SPOCK1: variants seen among roughly 807,000 people sequenced by gnomAD.
The protein encoded by SPOCK1 is testican-1.
A neutral mutation model predicts 55.3 loss-of-function variants in SPOCK1; 23 were observed. The ratio of observed to expected loss-of-function variants is 0.42; its 90% CI spans 0.30 to 0.59. The LOEUF (loss-of-function observed/expected upper bound fraction) is 0.59, where lower values mean the gene tolerates loss of function less well. SPOCK1 is among the 20% of genes least tolerant of loss of function. The pLI, the probability that SPOCK1 is intolerant of heterozygous loss-of-function variation, is 0.22. For synonymous variants in SPOCK1, 226 were observed against 221.0 expected (o/e 1.02, Z -0.20); for missense variants, 499 against 552.5 (o/e 0.90, Z 0.97).
intron 3 of SPOCK1, among the ~76,000 whole-genome samples, chr5:137,221,930 C>T (rs1015517919): frequency 2.0e-5 from 3 of 152,216 alleles, no homozygotes; most frequent in Non-Finnish European, 4.4e-5. Context: ...AGGGCTCAGG[C>T]ACTGGGTTTG....
At chr5:137,418,483 T>C (rs1381980665) in intron 2 of SPOCK1, among the ~76,000 whole-genome samples, 1 of 152,038 alleles carries the variant, frequency 6.6e-6, no homozygotes, top group Non-Finnish European at 1.5e-5. Flanking sequence ...CCTGACTTTT[T>C]AATGATCGCC....
chr5:137,407,953 C>T (rs985895767), intron 2 of SPOCK1, among the ~76,000 whole-genome samples: 1 of 152,062 alleles, frequency 6.6e-6, no homozygotes. Flanking sequence ...CCGCCCCCAC[C>T]CCCACTGCTC....
chr5:137,120,467 G>T (rs910303593), intron 4 of SPOCK1, among the ~76,000 whole-genome samples: 1 of 152,194 alleles, frequency 6.6e-6, no homozygotes, highest in Admixed American at 6.5e-5. Flanking sequence ...GGGACTCCAC[G>T]ATGTACCTCT....
At chr5:136,995,778 A>C (rs576730511) in intron 6 of SPOCK1, among the ~76,000 whole-genome samples, 2 of 152,296 alleles carry the variant, frequency 1.3e-5, no homozygotes, top group Non-Finnish European at 2.9e-5. Flanking sequence ...AAAGTACACA[A>C]GTCTTGGATG....
At chr5:137,465,367 C>T (rs540192732) in intron 2 of SPOCK1, among the ~76,000 whole-genome samples, 16 of 152,180 alleles carry the variant, frequency 1.1e-4, no homozygotes, top group African/African-American at 3.6e-4. Context: ...ACACCATGGG[C>T]AAAGCAAAGC....
intron 3 of SPOCK1, among the ~76,000 whole-genome samples, chr5:137,195,546 T>C (rs1308491200): frequency 6.6e-6 from 1 of 152,168 alleles, no homozygotes; most frequent in Non-Finnish European, 1.5e-5. Flanking sequence ...GCTGGGGCAG[T>C]GGATGAAGGA....
intron 8 of SPOCK1, among the ~76,000 whole-genome samples, chr5:136,987,549 CT>C (rs1750867929): frequency 6.6e-6 from 1 of 152,132 alleles, no homozygotes; most frequent in African/African-American, 2.4e-5. Flanking sequence ...AGGCACATGC[CT>C]TTTGACTAGT....
At chr5:137,440,956 C>T (rs1752989787) in intron 2 of SPOCK1, among the ~76,000 whole-genome samples, 1 of 152,208 alleles carries the variant, frequency 6.6e-6, no homozygotes, top group Admixed American at 6.5e-5. Flanking sequence ...CAGGAGGCTT[C>T]ACTTATTACA....
intron 2 of SPOCK1, among the ~76,000 whole-genome samples, chr5:137,350,564 T>A (rs1363994630): frequency 1.3e-5 from 2 of 152,026 alleles, no homozygotes; most frequent in East Asian, 3.9e-4. Flanking sequence ...AGGGGAAATG[T>A]CTAGAAGGCT....
chr5:137,114,618 A>T (rs1313055328), intron 4 of SPOCK1, among the ~76,000 whole-genome samples: 1 of 152,192 alleles, frequency 6.6e-6, no homozygotes, highest in Non-Finnish European at 1.5e-5. Context: ...ATACTGATAA[A>T]GGGATGGTGG....
At chr5:137,496,180 C>T (rs905886433) in intron 2 of SPOCK1, among the ~76,000 whole-genome samples, 1 of 152,220 alleles carries the variant, frequency 6.6e-6, no homozygotes, top group Middle Eastern at 3.4e-3. Context: ...CCTGCACTCA[C>T]CCCAGAAATG....
intron 3 of SPOCK1, among the ~76,000 whole-genome samples, chr5:137,256,210 T>C (rs991160923): frequency 3.3e-5 from 5 of 152,126 alleles, no homozygotes; most frequent in African/African-American, 1.2e-4. Context: ...TGGGCTGTGT[T>C]TCCCTCTTTT....
intron 4 of SPOCK1, among the ~76,000 whole-genome samples, chr5:137,116,244 T>G (rs774890875): frequency 2.6e-5 from 4 of 152,196 alleles, no homozygotes; most frequent in Non-Finnish European, 5.9e-5. Flanking sequence ...AACTGTATAT[T>G]CTCCATCTTT....
intron 2 of SPOCK1, among the ~76,000 whole-genome samples, chr5:137,473,935 T>G (rs187914650): frequency 1.1e-3 from 169 of 152,322 alleles, no homozygotes; most frequent in African/African-American, 3.6e-3. Context: ...TTAACAGCAC[T>G]TGCAGTGACC....
intron 5 of SPOCK1, among the ~76,000 whole-genome samples, chr5:137,093,858 C>T (rs1561606656): frequency 6.6e-6 from 1 of 152,094 alleles, no homozygotes; most frequent in Non-Finnish European, 1.5e-5. Flanking sequence ...TCATAGAGAA[C>T]CTGGGGGAGC....
At chr5:137,278,730 A>T (rs1443129044) in intron 2 of SPOCK1, among the ~76,000 whole-genome samples, 1 of 152,142 alleles carries the variant, frequency 6.6e-6, no homozygotes, top group Non-Finnish European at 1.5e-5. Flanking sequence ...ACAAATGACC[A>T]CGAGGCACTT....
At chr5:137,417,960 C>T (rs896416942) in intron 2 of SPOCK1, among the ~76,000 whole-genome samples, 3 of 152,158 alleles carry the variant, frequency 2.0e-5, no homozygotes, top group Non-Finnish European at 4.4e-5. Flanking sequence ...CCCCCTCCCG[C>T]TACCCTACAA....
At chr5:137,355,534 T>A (rs578173551) in intron 2 of SPOCK1, among the ~76,000 whole-genome samples, 3 of 152,244 alleles carry the variant, frequency 2.0e-5, no homozygotes, top group Admixed American at 1.3e-4. Flanking sequence ...GAGAACAGGA[T>A]AGTATCATCT....
intron 3 of SPOCK1, among the ~76,000 whole-genome samples, chr5:137,248,002 G>C (rs979796335): frequency 1.3e-5 from 2 of 152,096 alleles, no homozygotes; most frequent in African/African-American, 2.4e-5. Context: ...CTTTGGCTGC[G>C]ACAAACAAAC....
Sources: allele counts gnomAD v4.1 joint callset (sites outside exome capture counted in the v4.1 genomes callset), GRCh38; gene constraint gnomAD v4.1.1; transcripts MANE v1.5; gene names NCBI Gene and HGNC (gene_info 2026-07-23, HGNC 2026-07-21).